Variants in USP13 observed in about 807,000 individuals in gnomAD.
USP13 encodes the protein ubiquitin specific peptidase 13.
A neutral mutation model predicts 107.8 loss-of-function variants in USP13; 68 were observed. The observed-to-expected ratio is 0.63, with a 90% CI of 0.52 to 0.77. The LOEUF is 0.77. Ranked by LOEUF, USP13 falls within the 30% of genes least tolerant of loss-of-function variation. USP13 has a pLI of 0.00. For synonymous variants in USP13, 377 were observed against 389.5 expected, an observed-to-expected ratio of 0.97 and a Z score of 0.38; for missense variants, 945 against 1,093.3, an observed-to-expected ratio of 0.86 and a Z score of 1.91.
chr3:179,757,056 C>T lies in USP13; in HGVS notation c.1926C>T (p.Arg642=), dbSNP rs1276471577. The T allele has an allele frequency of 1.9e-6, 3 of 1,614,010 alleles. No individual in the cohort carries two copies. The highest frequency in any genetic ancestry group is 2.2e-5 in the East Asian group (1 of 44,878). ...GTCCTCTCCCTTAATTTCCAGATCG[C>T]CTGATGAACCAATTGATAGACCGTA... is the stretch of plus-strand genomic sequence containing the variant. ...PIVIPDDSKD[R]LMNQLIDPSD... The change falls in exon 16 of 21, where the codon CGC becomes CGT. Residue 642 remains arginine, a synonymous_variant. Coordinates refer to ENST00000263966, the MANE Select transcript of USP13 (RefSeq NM_003940.3).
intron 2 of USP13, among the ~76,000 whole-genome samples, chr3:179,686,302 G>A (rs567025841): frequency 6.6e-6 from 1 of 152,326 alleles, no homozygotes; most frequent in Non-Finnish European, 1.5e-5. Flanking sequence ...TGTCCTGGAA[G>A]CTCACTCAGT....
chr3:179,764,330 T>C (rs1282870920), intron 18 of USP13, among the ~76,000 whole-genome samples, 162 bp downstream of exon 18: 1 of 152,144 alleles, frequency 6.6e-6, no homozygotes, highest in Non-Finnish European at 1.5e-5. Context: ...TTGCATATTA[T>C]AAATATAAAG....
chr3:179,728,575 G>T (rs1421131602), intron 8 of USP13, among the ~76,000 whole-genome samples: 1 of 151,586 alleles, frequency 6.6e-6, no homozygotes, highest in African/African-American at 2.4e-5. Context: ...CTTCCCAGAC[G>T]GGGTGGCGGC....
At chr3:179,685,160 GTTAGATTTTTTTTTTAGTACCC>G in intron 2 of USP13, among the ~76,000 whole-genome samples, 1 of 131,416 alleles carries the variant, frequency 7.6e-6, no homozygotes, top group South Asian at 2.4e-4. Context: ...CTCATATTTT[GTTAGATTTTTTTTTTAGTACCC>G]TATAATTTTT....
intron 1 of USP13, among the ~76,000 whole-genome samples, chr3:179,661,707 G>A (rs2108434476): frequency 6.6e-6 from 1 of 152,294 alleles, no homozygotes; most frequent in Non-Finnish European, 1.5e-5. Context: ...GATATTGCCT[G>A]TAGGTTCTCA....
intron 4 of USP13, among the ~76,000 whole-genome samples, chr3:179,701,746 C>G (rs1440120789): frequency 2.0e-5 from 3 of 152,140 alleles, no homozygotes; most frequent in African/African-American, 4.8e-5. Context: ...TGTGAGCTTC[C>G]CCCTTCCTCT....
At chr3:179,654,213 CAAA>C (rs61231956) in intron 1 of USP13, among the ~76,000 whole-genome samples, 6 of 105,480 alleles carry the variant, frequency 5.7e-5, no homozygotes, top group Admixed American at 3.2e-4. Flanking sequence ...GACTCCGTCT[CAAA>C]AAAAAAAAAA....
At chr3:179,717,580 C>A (rs1193683921) in intron 6 of USP13, among the ~76,000 whole-genome samples, 2 of 152,122 alleles carry the variant, frequency 1.3e-5, no homozygotes, top group Non-Finnish European at 2.9e-5. Context: ...CTAATACAGC[C>A]CTGATCATTA....
chr3:179,730,719 C>G lies in USP13; in HGVS notation c.1254+10C>G, dbSNP rs79411927. 6.2e-7 allele frequency: 1 copy of G among 1,611,418 alleles called. No individual in the cohort carries two copies. The highest frequency in any genetic ancestry group is 8.5e-7 in the Non-Finnish European group (1 of 1,177,978). On this transcript the variant is annotated intron_variant, in intron 10 of 20. Transcript: ENST00000263966. ...GAAGGAGGAGCACAAGGTATGTGTCCGAGCGTTTGCCATGTTGACATGTAG... is the reference window on the plus strand; with the variant it reads ...GAAGGAGGAGCACAAGGTATGTGTCGGAGCGTTTGCCATGTTGACATGTAG...
rs913728166 is a variant in USP13, at chr3:179,653,437, G to A, written c.168+44G>A. 5 of 1,533,568 alleles carry A rather than the reference G, an allele frequency of 3.3e-6. No individual in the cohort carries two copies. In the African/African-American group the frequency reaches 6.9e-5, roughly 21 times the overall value. The allele number at this position is 1,533,568 out of a possible 1,614,324, so 95.0% of individuals were successfully genotyped here. A position where few individuals can be genotyped will look rare whatever the true frequency, so the allele number is the denominator to read the frequency against. ...GGGAGGGTCGCGGGGCCGGCGGCCT[G>A]CGGCACGTGAAGCCGGGGGAGAAGA... is the stretch of plus-strand genomic sequence containing the variant. On this transcript the variant is annotated intron_variant, in intron 1 of 20. Transcript: ENST00000263966. This position sits in a 1 kb window ranked among gnomAD's most constrained non-coding sequence, Gnocchi z 4.0.
intron 1 of USP13, among the ~76,000 whole-genome samples, chr3:179,671,465 ATT>A: frequency 6.6e-6 from 1 of 152,188 alleles, no homozygotes; most frequent in Non-Finnish European, 1.5e-5. Flanking sequence ...AAATTCCCAC[ATT>A]GTCTCCCCAT....
At chr3:179,745,260 C>G in intron 13 of USP13, 43 bp downstream of exon 13, 19 of 1,056,024 alleles carry the variant, frequency 1.8e-5, no homozygotes, top group East Asian at 2.9e-5. Context: ...GAGGAGGGGC[C>G]TTGAGGGGTG....
In USP13 at chr3:179,754,827, C is replaced by A. The variant is rs764830720; in HGVS notation, c.1894C>A (p.Pro632Thr). 4 of 1,612,454 alleles carry A rather than the reference C, an allele frequency of 2.5e-6. No homozygotes were observed. Among genetic ancestry groups the A allele is most frequent in the Admixed American group, 3.3e-5 (2 of 59,714 alleles). ...GEEELPDISP[P>T]IVIPDDSKDR... ...GGAAGAACTTCCAGACATCAGCCCC[C>A]CCATAGTCATTCCTGATGACTCAAA... The change falls in exon 15 of 21, where the codon CCC becomes ACC. Residue 632 changes from proline (P) to threonine (T), a missense_variant. Pro to Thr is a conservative substitution (Grantham distance 38). Transcript: ENST00000263966.
At position 179,653,216 on chromosome 3, in the gene USP13, C is replaced by T. The variant is rs1322559376; in HGVS notation, c.-10C>T. Reference sequence around the variant, plus strand: ...GCTCGGCTCGCTCGGCTCCGGTGCGCGCCGAGGCCATGCAGCGCCGGGGCG... The same window carrying T: ...GCTCGGCTCGCTCGGCTCCGGTGCGTGCCGAGGCCATGCAGCGCCGGGGCG... On this transcript the variant is annotated 5_prime_UTR_variant, in exon 1 of 21. Coordinates refer to ENST00000263966, the MANE Select transcript of USP13 (RefSeq NM_003940.3). The surrounding 1 kb of genome is among the most constrained non-coding windows in gnomAD (Gnocchi z 4.0). 1 of 1,519,670 alleles carries T rather than the reference C, an allele frequency of 6.6e-7. No homozygotes were observed. The highest frequency in any genetic ancestry group is 1.4e-5 in the African/African-American group (1 of 70,668). The allele number at this position is 1,519,670 out of a possible 1,614,324, so 94.1% of individuals were successfully genotyped here.
intron 3 of USP13, among the ~76,000 whole-genome samples, chr3:179,697,494 T>C (rs1712366611): frequency 6.6e-6 from 1 of 152,198 alleles, no homozygotes; most frequent in African/African-American, 2.4e-5. Flanking sequence ...TGGGTAGTCC[T>C]AGCCACTTCT....
chr3:179,784,010 T>G (rs1347862062), intron 20 of USP13, 38 bp from the exon 21 acceptor site: 3 of 1,552,306 alleles, frequency 1.9e-6, no homozygotes, highest in South Asian at 1.2e-5. Context: ...TTCCTGGAAC[T>G]GACTTAAATC....
At chr3:179,693,231 C>G (rs776618630) in intron 3 of USP13, among the ~76,000 whole-genome samples, 4 of 152,140 alleles carry the variant, frequency 2.6e-5, no homozygotes, top group Non-Finnish European at 4.4e-5. Flanking sequence ...TCCCTGCAGC[C>G]TCACCCTGCC....
At chr3:179,772,928 T>C (rs1715385472) in intron 19 of USP13, among the ~76,000 whole-genome samples, 1 of 152,216 alleles carries the variant, frequency 6.6e-6, no homozygotes, top group Non-Finnish European at 1.5e-5. Flanking sequence ...TTTTTGAGAA[T>C]TCAGAAATTT....
Position 179,701,045 on chromosome 3 carries a change from T to C in USP13, c.393T>C (p.Tyr131=). The change falls in exon 4 of 21, where the codon TAT becomes TAC. Residue 131 remains tyrosine, a synonymous_variant. Transcript: ENST00000263966. ...DTDDDLNSDD[Y]EYEDEAKLVI... is the part of the protein sequence containing the mutation. ...ATGACGATTTAAATAGCGACGATTA[T>C]GAATATGAAGATGAAGCCAAACTTG... 6.2e-7 allele frequency: 1 copy of C among 1,614,044 alleles called. No individual in the cohort carries two copies. The highest frequency in any genetic ancestry group is 8.5e-7 in the Non-Finnish European group (1 of 1,180,020).
Sources: gnomAD v4.1 joint callset for allele counts (sites outside exome capture counted in the v4.1 genomes callset) on GRCh38, gnomAD v4.1.1 for gene constraint, Gnocchi (gnomAD v3.1) non-coding constraint, MANE v1.5 for transcripts, NCBI Gene and HGNC (gene_info 2026-07-23, HGNC 2026-07-21) for gene names.